Variants in GJA3 observed in about 807,000 individuals in gnomAD.
GJA3 encodes gap junction protein alpha 3.
For synonymous variants in GJA3, 297 were observed against 292.6 expected (o/e 1.02, Z -0.15); for missense variants, 571 against 620.3 (o/e 0.92, Z 0.84).
chr13:20,142,886 C>T lies in GJA3; in HGVS notation c.403G>A (p.Asp135Asn), dbSNP rs772143836. 8 of 1,597,908 alleles carry T rather than the reference C, an allele frequency of 5.0e-6. No homozygotes were observed. In the East Asian group the frequency reaches 1.4e-4, roughly 27 times the overall value. The change falls in exon 2 of 2, where the codon GAC becomes AAC. Residue 135 changes from aspartate (D) to asparagine (N), a missense_variant. By Grantham distance (23) the Asp-to-Asn change is conservative. Coordinates refer to ENST00000241125, the MANE Select transcript of GJA3 (RefSeq NM_021954.4). The stretch of plus-strand genomic sequence containing the variant: ...CCGGCCATGCGCACCCTGCCGCGGT[C>T]GTCCCGCGACGAGGGATTGTCCTGC... ...PPQDNPSSRD[D>N]RGRVRMAGAL...
Position 20,142,416 on chromosome 13 carries a change from C to T in GJA3, c.873G>A (p.Pro291=). 4.0e-6 allele frequency: 6 copies of T among 1,496,972 alleles called. No homozygotes were observed. The highest frequency in any genetic ancestry group is 5.3e-6 in the Non-Finnish European group (6 of 1,123,262). 92.7% of individuals were successfully genotyped at this position (1,496,972 alleles called of 1,614,324 possible). ...QARAVGYPGA[P]PPAADFKLLA... is the part of the protein sequence containing the mutation. ...GCAGTTTGAAGTCCGCGGCTGGTGG[C>T]GGGGCCCCGGGGTAGCCCACGGCGC... is the stretch of plus-strand genomic sequence containing the variant. Residue 291 remains proline (P), a synonymous_variant, in exon 2 of 2, where the codon CCG becomes CCA. Coordinates refer to ENST00000241125, the MANE Select transcript of GJA3 (RefSeq NM_021954.4).
intron 1 of GJA3, among the ~76,000 whole-genome samples, chr13:20,150,346 G>C (rs1434111219): frequency 6.6e-6 from 1 of 150,728 alleles, no homozygotes; most frequent in South Asian, 2.1e-4. Context: ...CAGAGATGAA[G>C]AGGGAGGCAG....
At position 20,143,250 on chromosome 13, in the gene GJA3, A is replaced by G. The variant is rs1456869717; in HGVS notation, c.39T>C (p.Asn13=). The G allele has an allele frequency of 6.5e-7, 1 of 1,537,892 alleles. No homozygotes were observed. The highest frequency in any genetic ancestry group is 2.3e-5 in the East Asian group (1 of 44,232). Residue 13 remains asparagine (N), a synonymous_variant, in exon 2 of 2, where the codon AAT becomes AAC. Coordinates refer to ENST00000241125, the MANE Select transcript of GJA3 (RefSeq NM_021954.4). ...DWSFLGRLLE[N]AQEHSTVIGK... ...CGATGACCGTGGAGTGCTCCTGTGCATTTTCTAAGAGTCTTCCCAGAAAGC... is the reference window on the plus strand; with the variant it reads ...CGATGACCGTGGAGTGCTCCTGTGCGTTTTCTAAGAGTCTTCCCAGAAAGC...
chr13:20,147,625 G>T (rs1048441094), intron 1 of GJA3, among the ~76,000 whole-genome samples: 6 of 152,170 alleles, frequency 3.9e-5, no homozygotes, highest in Non-Finnish European at 7.3e-5. Flanking sequence ...TGAGAATGGG[G>T]TGATTTTTCT....
intron 1 of GJA3, among the ~76,000 whole-genome samples, chr13:20,147,926 C>T (rs778004842): frequency 1.3e-5 from 2 of 151,954 alleles, no homozygotes; most frequent in Non-Finnish European, 2.9e-5. Context: ...GGCAATCTCC[C>T]GTATCAGGCG....
chr13:20,138,404 G>C lies in GJA3; in HGVS notation c.*3577C>G, dbSNP rs1184845956. ...TAAATGAACATTTACACACCAAACA[G>C]CTTCAAATATGGTACTTTCTGGAAA... On this transcript the variant is annotated 3_prime_UTR_variant, in exon 2 of 2. Coordinates refer to ENST00000241125, the MANE Select transcript of GJA3 (RefSeq NM_021954.4). The C allele has an allele frequency of 6.6e-6, 1 of 152,202 alleles. No individual in the cohort carries two copies. The allele number at this position is 152,202 out of a possible 1,614,324, so 9.4% of individuals were successfully genotyped here. A position where few individuals can be genotyped will look rare whatever the true frequency, so the allele number is the denominator to read the frequency against.
At chr13:20,151,356 G>A (rs879659711) in intron 1 of GJA3, among the ~76,000 whole-genome samples, 20 of 152,156 alleles carry the variant, frequency 1.3e-4, no homozygotes, top group Admixed American at 1.1e-3. Context: ...TCCTCTGCAC[G>A]TACAGGAGAT....
chr13:20,146,210 G>A (rs969408587), intron 1 of GJA3, among the ~76,000 whole-genome samples: 1 of 152,192 alleles, frequency 6.6e-6, no homozygotes, highest in African/African-American at 2.4e-5. Context: ...CACGGCTGAT[G>A]GCACAGAGCA....
chr13:20,142,348 A>C lies in GJA3; in HGVS notation c.941T>G (p.Leu314Arg). Residue 314 changes from leucine (L) to arginine (R), a missense_variant, in exon 2 of 2, where the codon CTC (leucine) becomes CGC (arginine). Transcript: ENST00000241125. ...CAGCAGGTGGTGGTGGCCGTTGTAG[A>C]GCTTGGCGGACTGGCCCTTTCCGCG... ...EARGKGQSAK[L>R]YNGHHHLLMT... is the part of the protein sequence containing the mutation. 6.4e-7 allele frequency: 1 copy of C among 1,551,176 alleles called. No individual in the cohort carries two copies. The highest frequency in any genetic ancestry group is 8.7e-7 in the Non-Finnish European group (1 of 1,150,182).
At chr13:20,146,477 G>T (rs912498664) in intron 1 of GJA3, among the ~76,000 whole-genome samples, 1 of 152,222 alleles carries the variant, frequency 6.6e-6, no homozygotes, top group Non-Finnish European at 1.5e-5. Context: ...TAGGCCCAGG[G>T]GCTGCAAAAC....
chr13:20,144,149 T>A (rs546274188), intron 1 of GJA3, among the ~76,000 whole-genome samples: 61 of 152,276 alleles, frequency 4.0e-4, no homozygotes, highest in African/African-American at 1.4e-3. Context: ...AAAGGAATGA[T>A]CTTCTCACAC....
At chr13:20,151,763 G>A (rs935845339) in intron 1 of GJA3, among the ~76,000 whole-genome samples, 2 of 152,082 alleles carry the variant, frequency 1.3e-5, no homozygotes, top group African/African-American at 2.4e-5. Flanking sequence ...AAGAGAACCC[G>A]GGCTCTCACT....
chr13:20,146,974 G>T (rs2141140373), intron 1 of GJA3, among the ~76,000 whole-genome samples: 1 of 152,348 alleles, frequency 6.6e-6, no homozygotes, highest in East Asian at 1.9e-4. Context: ...TGACTGGGAA[G>T]GGAAATGTTT....
In GJA3 at chr13:20,143,360, C is replaced by T. The variant is rs879013734; in HGVS notation, c.-17-55G>A. 48 of 1,306,396 alleles carry T rather than the reference C, an allele frequency of 3.7e-5. No individual in the cohort carries two copies. The Middle Eastern group carries it at 9.6e-4, about 26-fold the overall frequency. 80.9% of individuals were successfully genotyped at this position (1,306,396 alleles called of 1,614,324 possible). ...GGCTGCAACGGCTGAGTGCCGGGTC[C>T]GCACCCATGGGCGGCGGCAGCGGCC... On this transcript the variant is annotated intron_variant, in intron 1 of 1. Transcript: ENST00000241125.
chr13:20,147,192 A>C (rs1958848041), intron 1 of GJA3, among the ~76,000 whole-genome samples: 1 of 152,246 alleles, frequency 6.6e-6, no homozygotes, highest in Non-Finnish European at 1.5e-5. Flanking sequence ...AGCATGAATC[A>C]ATAAGCACAG....
chr13:20,153,673 A>G (rs1958891986), intron 1 of GJA3, among the ~76,000 whole-genome samples: 1 of 152,106 alleles, frequency 6.6e-6, no homozygotes, highest in African/African-American at 2.4e-5. Flanking sequence ...TAGGAGATAT[A>G]CCTAATGTAA....
chr13:20,152,115 G>A (rs1235468522), intron 1 of GJA3, among the ~76,000 whole-genome samples: 2 of 152,154 alleles, frequency 1.3e-5, no homozygotes. Flanking sequence ...AGACGTGTGA[G>A]TGTGGAAGCT....
At chr13:20,148,913 G>A (rs1016586932) in intron 1 of GJA3, among the ~76,000 whole-genome samples, 12 of 152,252 alleles carry the variant, frequency 7.9e-5, no homozygotes, top group Non-Finnish European at 1.6e-4. Context: ...GCACTGTGTG[G>A]CAGGGTGTTT....
intron 1 of GJA3, among the ~76,000 whole-genome samples, chr13:20,145,021 T>C (rs1010709137): frequency 6.6e-6 from 1 of 152,036 alleles, no homozygotes. Flanking sequence ...TCTCTACTAA[T>C]AATACATAAG....
Sources: allele counts gnomAD v4.1 joint callset (sites outside exome capture counted in the v4.1 genomes callset), GRCh38; gene constraint gnomAD v4.1.1; transcripts MANE v1.5; gene names NCBI Gene and HGNC (gene_info 2026-07-23, HGNC 2026-07-21).